THADA: variants seen among roughly 807,000 people sequenced by gnomAD.
THADA encodes tRNA (32-2'-O)-methyltransferase regulator THADA.
THADA carries 213 observed loss-of-function variants against 219.8 expected under a neutral mutation model. The ratio of observed to expected loss-of-function variants is 0.97; its 90% CI spans 0.87 to 1.09. The LOEUF (loss-of-function observed/expected upper bound fraction) is 1.09. Ranked by LOEUF, THADA falls within the 50% of genes least tolerant of loss-of-function variation. The pLI, the probability that THADA is intolerant of heterozygous loss-of-function variation, is 0.00. For synonymous variants in THADA, 1,018 were observed against 828.9 expected, an observed-to-expected ratio of 1.23 and a Z score of -3.92; for missense variants, 2,956 against 2,311.3, an observed-to-expected ratio of 1.28 and a Z score of -5.72.
intron 30 of THADA, among the ~76,000 whole-genome samples, chr2:43,328,978 T>G (rs937839660): frequency 2.0e-5 from 3 of 152,222 alleles, no homozygotes; most frequent in Admixed American, 6.5e-5. Context: ...CTCATTACTG[T>G]ACTAACACTC....
intron 28 of THADA, among the ~76,000 whole-genome samples, chr2:43,422,437 G>T (rs1362227981): frequency 6.6e-6 from 1 of 152,130 alleles, no homozygotes; most frequent in African/African-American, 2.4e-5. Context: ...GGGGAGCCCA[G>T]AACAGAATAA....
At chr2:43,474,907 C>T (rs887123053) in intron 26 of THADA, among the ~76,000 whole-genome samples, 1 of 152,146 alleles carries the variant, frequency 6.6e-6, no homozygotes, top group Non-Finnish European at 1.5e-5. Context: ...TAAGCCTGAG[C>T]GGTCTGCCCT....
intron 26 of THADA, among the ~76,000 whole-genome samples, chr2:43,482,145 G>T (rs1279110265): frequency 6.6e-6 from 1 of 152,140 alleles, no homozygotes; most frequent in Non-Finnish European, 1.5e-5. Context: ...GGCCAAGTCA[G>T]TCACGCAGCA....
intron 35 of THADA, among the ~76,000 whole-genome samples, chr2:43,285,542 T>C (rs1673889900): frequency 6.6e-6 from 1 of 152,112 alleles, no homozygotes; most frequent in African/African-American, 2.4e-5. Context: ...ACCTCTTTTC[T>C]TCATAAATTA....
intron 28 of THADA, among the ~76,000 whole-genome samples, chr2:43,418,579 G>C (rs1233521845): frequency 6.6e-6 from 1 of 152,116 alleles, no homozygotes; most frequent in East Asian, 1.9e-4. Flanking sequence ...CTCAACTTTT[G>C]GATGTGTGTG....
At chr2:43,438,288 C>T (rs540043110) in intron 26 of THADA, among the ~76,000 whole-genome samples, 3 of 120,718 alleles carry the variant, frequency 2.5e-5, no homozygotes, top group African/African-American at 6.4e-5. Context: ...GGAGACAGAG[C>T]GACTCCATCT....
chr2:43,526,412 G>A (rs974735376), intron 22 of THADA, among the ~76,000 whole-genome samples: 2 of 152,160 alleles, frequency 1.3e-5, no homozygotes, highest in African/African-American at 4.8e-5. Flanking sequence ...CTACAGGAAG[G>A]AGGTTTATTT....
intron 29 of THADA, among the ~76,000 whole-genome samples, chr2:43,388,769 CT>C (rs1156664088): frequency 6.6e-6 from 1 of 152,146 alleles, no homozygotes; most frequent in Non-Finnish European, 1.5e-5. Flanking sequence ...GTCAAAATTG[CT>C]GAAAATGGAC....
At chr2:43,457,035 CGT>C (rs143933991) in intron 26 of THADA, among the ~76,000 whole-genome samples, 143 of 151,570 alleles carry the variant, frequency 9.4e-4, no homozygotes, top group African/African-American at 3.2e-3. Flanking sequence ...ATTTTATATA[CGT>C]GTGTGTGTGT....
chr2:43,362,088 C>T (rs1012672471), intron 29 of THADA, among the ~76,000 whole-genome samples: 2 of 152,162 alleles, frequency 1.3e-5, no homozygotes, highest in Admixed American at 6.5e-5. Flanking sequence ...CCAAATGACC[C>T]AAATCAGGTA....
At chr2:43,531,017 C>A (rs148132651) in intron 21 of THADA, among the ~76,000 whole-genome samples, 1 of 152,266 alleles carries the variant, frequency 6.6e-6, no homozygotes, top group African/African-American at 2.4e-5. Context: ...TGTAAAATTC[C>A]TGTTAGATAA....
chr2:43,364,753 G>C (rs1195589805), intron 29 of THADA, among the ~76,000 whole-genome samples: 1 of 152,168 alleles, frequency 6.6e-6, no homozygotes, highest in Non-Finnish European at 1.5e-5. Context: ...CAAGGCCCTA[G>C]GGCAGGACAA....
chr2:43,548,363 G>A (rs1165486481), intron 20 of THADA, among the ~76,000 whole-genome samples: 2 of 152,320 alleles, frequency 1.3e-5, no homozygotes, highest in African/African-American at 4.8e-5. Context: ...CAGATCTCCA[G>A]CTGTGTGCTG....
intron 10 of THADA, among the ~76,000 whole-genome samples, chr2:43,575,785 G>A (rs1699790629): frequency 6.6e-6 from 1 of 152,114 alleles, no homozygotes; most frequent in Non-Finnish European, 1.5e-5. Context: ...TGATCCACCT[G>A]CCTGAGATCT....
intron 30 of THADA, among the ~76,000 whole-genome samples, chr2:43,334,230 A>C (rs1573116960): frequency 6.6e-6 from 1 of 152,206 alleles, no homozygotes; most frequent in East Asian, 1.9e-4. Flanking sequence ...GTGACAGGGG[A>C]GGAGACAGGA....
At chr2:43,407,039 G>T (rs907244223) in intron 28 of THADA, among the ~76,000 whole-genome samples, 1 of 152,160 alleles carries the variant, frequency 6.6e-6, no homozygotes, top group East Asian at 1.9e-4. Flanking sequence ...ATAACACTTG[G>T]CCCCTCAGCA....
rs1156747333 is a variant in THADA at position 43,485,260 on chromosome 2, T to G, written c.3810A>C (p.Ala1270=). 6.2e-7 allele frequency: 1 copy of G among 1,613,034 alleles called. No homozygotes were observed. Among genetic ancestry groups the G allele is most frequent in the Admixed American group, 1.7e-5 (1 of 59,964 alleles). ...TATTTGTTTTGGAATGTTCATCCTT[T>G]GCCCTTTTAACTCCAAAAATTCTTG... ...LITRIFGVKR[A]KDEHSKTNRM... is the part of the protein sequence containing the mutation. Residue 1270 remains alanine, a synonymous_variant, in exon 26 of 38, where the codon GCA becomes GCC. Coordinates refer to ENST00000405975, the MANE Select transcript of THADA (RefSeq NM_022065.5).
At chr2:43,236,370 C>A (rs1042827034) in intron 36 of THADA, among the ~76,000 whole-genome samples, 7 of 152,208 alleles carry the variant, frequency 4.6e-5, no homozygotes, top group African/African-American at 1.7e-4. Context: ...CGGTCTCTTA[C>A]TACCTTGCCC....
chr2:43,296,711 T>G (rs1343354318), intron 31 of THADA, among the ~76,000 whole-genome samples: 1 of 152,190 alleles, frequency 6.6e-6, no homozygotes, highest in African/African-American at 2.4e-5. Context: ...TACTATCATC[T>G]CCAGGTACCA....
Sources: gnomAD v4.1 joint callset for allele counts (sites outside exome capture counted in the v4.1 genomes callset) on GRCh38, gnomAD v4.1.1 for gene constraint, MANE v1.5 for transcripts, NCBI Gene and HGNC (gene_info 2026-07-23, HGNC 2026-07-21) for gene names.